The following BANP variants were observed in gnomAD, a reference collection of about 807,000 sequenced individuals.
The protein encoded by BANP is protein BANP.
In BANP, 11 loss-of-function variants were observed where a neutral mutation model predicts 68.1. That is an observed-to-expected ratio of 0.16 (90% CI 0.10 to 0.27). The LOEUF is 0.27. BANP is among the 10% of genes least tolerant of loss of function. The pLI is 1.00. For missense variants in BANP, 504 were observed against 722.7 expected (o/e 0.70, Z 3.47); for synonymous variants, 329 against 303.2 (o/e 1.09, Z -0.88).
At chr16:88,014,015 A>T (rs1398495383) in intron 6 of BANP, among the ~76,000 whole-genome samples, 14 of 152,186 alleles carry the variant, frequency 9.2e-5, no homozygotes, top group Non-Finnish European at 2.1e-4. Flanking sequence ...GCCAGCACAA[A>T]CTGGGTCCTG....
At chr16:87,993,602 T>TC (rs1237727487) in intron 4 of BANP, among the ~76,000 whole-genome samples, 2 of 129,210 alleles carry the variant, frequency 1.5e-5, no homozygotes, top group Non-Finnish European at 3.3e-5. Flanking sequence ...TTTTTTTTTT[T>TC]CCCTTTTTTT....
intron 2 of BANP, among the ~76,000 whole-genome samples, chr16:87,976,666 G>A (rs1010676895): frequency 2.6e-5 from 4 of 152,068 alleles, no homozygotes; most frequent in Non-Finnish European, 5.9e-5. Flanking sequence ...AAGAAAGTCT[G>A]ATGTCCGTTC....
intron 13 of BANP, 38 bp downstream of exon 13, chr16:88,072,250 G>T: frequency 1.9e-6 from 3 of 1,570,772 alleles, no homozygotes; most frequent in Non-Finnish European, 2.6e-6. Flanking sequence ...CTGAAGTGAT[G>T]GCATGGCCGC....
At chr16:87,987,359 G>T (rs1341766314) in intron 4 of BANP, among the ~76,000 whole-genome samples, 1 of 152,148 alleles carries the variant, frequency 6.6e-6, no homozygotes, top group Non-Finnish European at 1.5e-5. Flanking sequence ...GATTACAGGC[G>T]TGAGCCACCA....
At chr16:88,060,972 A>G (rs1276994848) in intron 11 of BANP, among the ~76,000 whole-genome samples, 4 of 135,990 alleles carry the variant, frequency 2.9e-5, no homozygotes, top group Admixed American at 1.7e-4. Context: ...ACCCTGCCCC[A>G]GTGAGTCAGA....
intron 7 of BANP, among the ~76,000 whole-genome samples, chr16:88,019,497 G>C (rs2075391925): frequency 1.3e-5 from 2 of 149,200 alleles, no homozygotes; most frequent in South Asian, 4.3e-4. Flanking sequence ...TCGAAACAGG[G>C]CGAGCGAGGC....
chr16:87,990,855 C>T (rs779233091), intron 4 of BANP, among the ~76,000 whole-genome samples: 11 of 152,146 alleles, frequency 7.2e-5, no homozygotes, highest in Non-Finnish European at 1.3e-4. Flanking sequence ...CTCCGCCTCC[C>T]AGGTTCACGC....
chr16:87,984,367 T>C (rs2063870752), intron 4 of BANP, 108 bp downstream of exon 4: 3 of 1,249,670 alleles, frequency 2.4e-6, no homozygotes, highest in Non-Finnish European at 3.3e-6. Flanking sequence ...AGATGCGCGG[T>C]GTCTGCCTCA....
At chr16:88,013,336 G>A (rs975372296) in intron 6 of BANP, among the ~76,000 whole-genome samples, 2 of 152,268 alleles carry the variant, frequency 1.3e-5, no homozygotes, top group African/African-American at 4.8e-5. Context: ...TCAGGAGCCT[G>A]CCTGACAGGA....
chr16:88,072,556 C>G (rs567038177), intron 13 of BANP, among the ~76,000 whole-genome samples: 1 of 152,258 alleles, frequency 6.6e-6, no homozygotes, highest in East Asian at 1.9e-4. Context: ...CCGGAGAGCT[C>G]CCTGCCCCAC....
At chr16:88,022,456 A>T (rs116778662) in intron 7 of BANP, among the ~76,000 whole-genome samples, 9,927 of 152,238 alleles carry the variant, frequency 0.065, 455 homozygotes, top group African/African-American at 0.13. Flanking sequence ...TTCAGGGTTG[A>T]CCTGTCAGAT....
At chr16:88,028,244 T>C (rs1460994082) in intron 8 of BANP, among the ~76,000 whole-genome samples, 1 of 152,244 alleles carries the variant, frequency 6.6e-6, no homozygotes, top group Non-Finnish European at 1.5e-5. Flanking sequence ...CTCCCCACAG[T>C]AGCTGCATTG....
rs531910558 is a variant in BANP at position 88,076,755 on chromosome 16, T to G, written c.*94T>G. ...TCACGGCCTCGGCACAGGCAGCGGC[T>G]GCACGTGTTCTGCTGAAGTGCGTCT... On this transcript the variant is annotated 3_prime_UTR_variant, in exon 14 of 14. Coordinates refer to ENST00000682872, the MANE Select transcript of BANP (RefSeq NM_001386991.1). 1 of 1,056,036 alleles carries G rather than the reference T, an allele frequency of 9.5e-7. No individual in the cohort carries two copies. The highest frequency in any genetic ancestry group is 1.5e-5 in the South Asian group (1 of 64,768). 65.4% of individuals were successfully genotyped at this position (1,056,036 alleles called of 1,614,324 possible). A position where few individuals can be genotyped will look rare whatever the true frequency, so the allele number is the denominator to read the frequency against.
intron 13 of BANP, among the ~76,000 whole-genome samples, chr16:88,075,391 T>C (rs2091375768): frequency 6.6e-6 from 1 of 152,098 alleles, no homozygotes; most frequent in Non-Finnish European, 1.5e-5. Flanking sequence ...TGGTCCCAGC[T>C]ACTTGGGAGG....
At chr16:88,035,221 A>G in intron 9 of BANP, 102 bp from the exon 10 acceptor site, 1 of 1,105,460 alleles carries the variant, frequency 9.0e-7, no homozygotes, top group Non-Finnish European at 1.3e-6. Flanking sequence ...ATCTTTTTGA[A>G]TTGTAAACAG....
rs576197210 is a variant in BANP at position 88,053,418 on chromosome 16, TACC to T, written c.1312-11836_1312-11834del. ...TCACCATCACCAACACAACCACCTT[TACC>T]ACCACCACCACCTCTACCACTGTCA... On this transcript the variant is annotated intron_variant, in intron 11 of 13. Transcript: ENST00000682872. 2.5e-3 allele frequency among the ~76,000 whole-genome samples: 213 copies of T among 84,440 alleles called. 2 individuals are homozygous for T. The highest frequency in any genetic ancestry group is 8.5e-4 in the Non-Finnish European group (35 of 41,416). The allele number at this position is 84,440 out of a possible 152,430, so 55.4% of individuals were successfully genotyped here. A position where few individuals can be genotyped will look rare whatever the true frequency, so the allele number is the denominator to read the frequency against.
intron 4 of BANP, among the ~76,000 whole-genome samples, chr16:87,986,935 T>C (rs1244548493): frequency 1.3e-5 from 2 of 152,202 alleles, no homozygotes; most frequent in Non-Finnish European, 2.9e-5. Context: ...GGATTATTAA[T>C]ATTGCTAATA....
At chr16:88,073,616 T>C (rs1292306350) in intron 13 of BANP, among the ~76,000 whole-genome samples, 1 of 152,188 alleles carries the variant, frequency 6.6e-6, no homozygotes, top group African/African-American at 2.4e-5. Flanking sequence ...GGTGTGAACC[T>C]TGGCCTGTCC....
intron 11 of BANP, among the ~76,000 whole-genome samples, chr16:88,039,778 C>G (rs531335907): frequency 1.4e-5 from 2 of 143,450 alleles, no homozygotes; most frequent in Non-Finnish European, 3.2e-5. Flanking sequence ...GTCTGGATTT[C>G]TCTGAACAAG....
Sources: gnomAD v4.1 joint callset for allele counts (sites outside exome capture counted in the v4.1 genomes callset) on GRCh38, gnomAD v4.1.1 for gene constraint, MANE v1.5 for transcripts, NCBI Gene and HGNC (gene_info 2026-07-23, HGNC 2026-07-21) for gene names.